MIPOL1: variants seen among roughly 807,000 people sequenced by gnomAD.
The protein encoded by MIPOL1 is mirror-image polydactyly gene 1 protein.
MIPOL1 carries 57 observed loss-of-function variants against 60.9 expected under a neutral mutation model. The observed-to-expected ratio is 0.94, with a 90% confidence interval of 0.76 to 1.17. MIPOL1 has a LOEUF of 1.17. Among genes scored for constraint, MIPOL1 ranks in the 50% most tolerant of loss-of-function variants. The probability of loss-of-function intolerance (pLI) is 0.00; values close to 1 mark genes in which losing one functional copy is unlikely to be tolerated. For missense variants in MIPOL1, 551 were observed against 511.6 expected (o/e 1.08, Z -0.74); for synonymous variants, 179 against 168.8 (o/e 1.06, Z -0.47).
At chr14:37,378,014 A>T (rs1363672805) in intron 10 of MIPOL1, among the ~76,000 whole-genome samples, 3 of 152,100 alleles carry the variant, frequency 2.0e-5, no homozygotes, top group Admixed American at 6.6e-5. Context: ...CACCAATTGA[A>T]TGGCTAAAAT....
chr14:37,228,407 AG>A (rs1257180523), intron 1 of MIPOL1, among the ~76,000 whole-genome samples: 3 of 148,960 alleles, frequency 2.0e-5, no homozygotes, highest in Non-Finnish European at 4.4e-5. Flanking sequence ...CATTGTCTTA[AG>A]GGGAACTGGA....
At chr14:37,217,441 A>G (rs982200914) in intron 1 of MIPOL1, among the ~76,000 whole-genome samples, 2 of 152,216 alleles carry the variant, frequency 1.3e-5, no homozygotes, top group Non-Finnish European at 2.9e-5. Context: ...AGACACATCA[A>G]AAAAAGAAAG....
chr14:37,280,957 A>G (rs1167874416), intron 6 of MIPOL1, among the ~76,000 whole-genome samples: 2 of 152,240 alleles, frequency 1.3e-5, no homozygotes, highest in South Asian at 2.1e-4. Context: ...ATTTTCTCCT[A>G]CACTGTAGGT....
chr14:37,520,020 A>G (rs534646714), intron 12 of MIPOL1, among the ~76,000 whole-genome samples: 6 of 152,146 alleles, frequency 3.9e-5, no homozygotes, highest in Non-Finnish European at 8.8e-5. Flanking sequence ...ATATCTATCA[A>G]CAGGGGCCTG....
intron 11 of MIPOL1, among the ~76,000 whole-genome samples, chr14:37,439,459 A>T (rs2094209481): frequency 6.6e-6 from 1 of 152,212 alleles, no homozygotes; most frequent in Admixed American, 6.5e-5. Flanking sequence ...GAGCCTTGGG[A>T]ATATAGAGCT....
intron 10 of MIPOL1, among the ~76,000 whole-genome samples, chr14:37,387,057 C>G (rs997501462): frequency 4.0e-5 from 6 of 151,796 alleles, no homozygotes; most frequent in African/African-American, 1.5e-4. Flanking sequence ...CAATAATATT[C>G]CATTCAAAAA....
At chr14:37,533,262 C>T (rs886436842) in intron 12 of MIPOL1, among the ~76,000 whole-genome samples, 4 of 151,958 alleles carry the variant, frequency 2.6e-5, no homozygotes, top group South Asian at 2.1e-4. Flanking sequence ...AAGCAGTGAC[C>T]GTCTGAAAGT....
At chr14:37,387,679 G>C (rs2093112202) in intron 10 of MIPOL1, among the ~76,000 whole-genome samples, 1 of 151,850 alleles carries the variant, frequency 6.6e-6, no homozygotes, top group Non-Finnish European at 1.5e-5. Context: ...TAACAAAAAT[G>C]TGATACACGT....
At chr14:37,370,244 T>C (rs1595449035) in intron 10 of MIPOL1, among the ~76,000 whole-genome samples, 1 of 152,322 alleles carries the variant, frequency 6.6e-6, no homozygotes, top group East Asian at 1.9e-4. Flanking sequence ...GTTTTAATTC[T>C]ACTAATTGTA....
intron 9 of MIPOL1, among the ~76,000 whole-genome samples, chr14:37,329,273 A>G (rs1384582009): frequency 1.3e-5 from 2 of 152,132 alleles, no homozygotes; most frequent in Non-Finnish European, 2.9e-5. Flanking sequence ...GATTGACTTC[A>G]TTAAAAACTA....
intron 11 of MIPOL1, among the ~76,000 whole-genome samples, chr14:37,468,188 T>TTG (rs1232973015): frequency 2.0e-5 from 3 of 151,240 alleles, no homozygotes; most frequent in African/African-American, 4.9e-5. Context: ...GTGTGTGCAA[T>TTG]TGTGTGTGTG....
At chr14:37,455,269 A>G (rs1226894683) in intron 11 of MIPOL1, among the ~76,000 whole-genome samples, 1 of 152,156 alleles carries the variant, frequency 6.6e-6, no homozygotes, top group Non-Finnish European at 1.5e-5. Flanking sequence ...AATCGTTAAT[A>G]CTAATATCCT....
rs181423453 is a variant in MIPOL1, at chr14:37,254,659, A to G, written c.19+6752A>G. 3.3e-5 allele frequency among the ~76,000 whole-genome samples: 5 copies of G among 151,850 alleles called. No homozygotes were observed. The East Asian group carries it at 5.8e-4, about 18-fold the overall frequency. The stretch of plus-strand genomic sequence containing the variant: ...GTAGGGGGAAAATTCGTGAGCTAAT[A>G]GGATTTCTTCTTTCTCTTTATTTCT... On this transcript the variant is annotated intron_variant, in intron 3 of 12. Coordinates refer to ENST00000684589, the MANE Select transcript of MIPOL1 (RefSeq NM_001388067.1).
intron 10 of MIPOL1, 75 bp downstream of exon 10, chr14:37,369,699 C>T: frequency 9.5e-7 from 1 of 1,048,254 alleles, no homozygotes; most frequent in South Asian, 1.4e-5. Context: ...CTGCATATAT[C>T]AGTTGTGTAC....
chr14:37,408,023 A>G (rs563659996), intron 10 of MIPOL1, among the ~76,000 whole-genome samples: 1 of 149,188 alleles, frequency 6.7e-6, no homozygotes, highest in African/African-American at 2.5e-5. Flanking sequence ...CTAATTTTTT[A>G]TTTATTTATT....
At chr14:37,219,019 T>C (rs1594532085) in intron 1 of MIPOL1, among the ~76,000 whole-genome samples, 1 of 151,192 alleles carries the variant, frequency 6.6e-6, no homozygotes, top group East Asian at 2.0e-4. Flanking sequence ...ACTAATGCAA[T>C]AGGGGAAAAG....
At chr14:37,453,145 CAAG>C (rs1286195870) in intron 11 of MIPOL1, among the ~76,000 whole-genome samples, 6 of 152,036 alleles carry the variant, frequency 3.9e-5, no homozygotes, top group African/African-American at 9.7e-5. Flanking sequence ...TTTTTAACTT[CAAG>C]AAGTCTCAAG....
chr14:37,463,333 G>A (rs1438762517), intron 11 of MIPOL1, among the ~76,000 whole-genome samples: 1 of 152,142 alleles, frequency 6.6e-6, no homozygotes, highest in Non-Finnish European at 1.5e-5. Flanking sequence ...ACAACACATG[G>A]GAATTATGTG....
chr14:37,398,146 C>T (rs1228477846), intron 10 of MIPOL1, among the ~76,000 whole-genome samples: 1 of 152,180 alleles, frequency 6.6e-6, no homozygotes, highest in African/African-American at 2.4e-5. Context: ...CAGGGCCCTT[C>T]TGCTGCTTCC....
Sources: gnomAD v4.1 joint callset for allele counts (sites outside exome capture counted in the v4.1 genomes callset) on GRCh38, gnomAD v4.1.1 for gene constraint, MANE v1.5 for transcripts, NCBI Gene and HGNC (gene_info 2026-07-23, HGNC 2026-07-21) for gene names.